Variants in NKX2-3 observed in about 807,000 individuals in gnomAD.
NKX2-3 encodes homeobox protein Nkx-2.3.
NKX2-3 carries 3 observed loss-of-function variants against 14.2 expected under a neutral mutation model. The ratio of observed to expected loss-of-function variants is 0.21; its 90% CI spans 0.10 to 0.55. The LOEUF (loss-of-function observed/expected upper bound fraction) is 0.55. Among genes scored for constraint, NKX2-3 ranks in the 20% least tolerant of loss-of-function variants. NKX2-3 has a pLI of 0.94. For missense variants in NKX2-3, 511 were observed against 514.5 expected, an observed-to-expected ratio of 0.99 and a Z score of 0.06; for synonymous variants, 276 against 234.2, an observed-to-expected ratio of 1.18 and a Z score of -1.63.
rs901980971 is a variant in NKX2-3, at chr10:99,535,956, G to A, written c.*235G>A. On this transcript the variant is annotated 3_prime_UTR_variant, in exon 2 of 2. Transcript: ENST00000344586. ...TCTGAGGCAGAAACGCCGGCTGGGC[G>A]CCGGGGAGGACGATGGCCCCGACCC... 20 of 530,118 alleles carry A rather than the reference G, an allele frequency of 3.8e-5. 2 individuals are homozygous for A. The highest frequency in any genetic ancestry group is 3.7e-4 in the South Asian group (16 of 42,854). The allele number at this position is 530,118 out of a possible 1,614,324, so 32.8% of individuals were successfully genotyped here. A position where few individuals can be genotyped will look rare whatever the true frequency, so the allele number is the denominator to read the frequency against.
At chr10:99,533,607 C>T in intron 1 of NKX2-3, 118 bp downstream of exon 1, 3 of 753,300 alleles carry the variant, frequency 4.0e-6, no homozygotes, top group Admixed American at 2.9e-5. Context: ...TGGCTGGGGC[C>T]ATGCCTCCGC....
At position 99,533,024 on chromosome 10, in the gene NKX2-3, C is replaced by G. The variant is rs934755059; in HGVS notation, c.-108C>G. The stretch of plus-strand genomic sequence containing the variant: ...GGAGTGGGACCGCGTCTGTCAAAAG[C>G]CCGACTCGGCAGCAGCGGCGGAGTC... On this transcript the variant is annotated 5_prime_UTR_variant, in exon 1 of 2. Transcript: ENST00000344586. The G allele has an allele frequency of 7.7e-6, 6 of 783,422 alleles. No homozygotes were observed. Among genetic ancestry groups the G allele is most frequent in the Non-Finnish European group, 1.1e-5 (5 of 473,662 alleles). The allele number at this position is 783,422 out of a possible 1,614,324, so 48.5% of individuals were successfully genotyped here.
chr10:99,535,015 C>T lies in NKX2-3; in HGVS notation c.389C>T (p.Thr130Met). 1.2e-6 allele frequency: 2 copies of T among 1,605,064 alleles called. No individual in the cohort carries two copies. The highest frequency in any genetic ancestry group is 1.7e-6 in the Non-Finnish European group (2 of 1,176,192). The stretch of plus-strand genomic sequence containing the variant: ...TGCCAGCTGAAGAAGTCTCTAGAGA[C>T]GGCCGGAGACTGCAAGGCGGCGGAG... ...KSCQLKKSLE[T>M]AGDCKAAEES... is the part of the protein sequence containing the mutation. Residue 130 changes from threonine (T) to methionine (M), a missense_variant, in exon 2 of 2, where the codon ACG (threonine) becomes ATG (methionine). Thr to Met is a moderately conservative substitution (Grantham distance 81). This residue lies in a region of NKX2-3 where 243 missense variants were observed against 242.3 expected (regional missense o/e 1.00). Transcript: ENST00000344586.
chr10:99,535,651 C>G lies in NKX2-3; in HGVS notation c.1025C>G (p.Pro342Arg). The stretch of plus-strand genomic sequence containing the variant: ...TTCGGCAGCGGCGGCAGCGCACAGC[C>G]GTTGCACCAGGGTACTGCAGCCGGG... The part of the protein sequence containing the change: ...GGFGSGGSAQ[P>R]LHQGTAAGAA... Residue 342 changes from proline to arginine, a missense_variant, in exon 2 of 2, where the codon CCG (proline) becomes CGG (arginine). Physicochemically the swap from Pro to Arg is moderately radical, Grantham distance 103. Around this residue, in one of 3 missense-constraint regions of NKX2-3, gnomAD observed 264 missense variants for 254.7 expected, o/e 1.04. Transcript: ENST00000344586. 1.3e-6 allele frequency: 2 copies of G among 1,536,588 alleles called. No homozygotes were observed. Among genetic ancestry groups the G allele is most frequent in the Non-Finnish European group, 1.7e-6 (2 of 1,145,050 alleles).
rs946052556 is a variant in NKX2-3, at chr10:99,533,030, TCGG to T, written c.-100_-98del. The T allele has an allele frequency of 5.0e-5, 41 of 812,518 alleles. No homozygotes were observed. Among genetic ancestry groups the T allele is most frequent in the Non-Finnish European group, 7.2e-5 (36 of 500,324 alleles). 50.3% of individuals were successfully genotyped at this position (812,518 alleles called of 1,614,324 possible). ...GGACCGCGTCTGTCAAAAGCCCGAC[TCGG>T]CAGCAGCGGCGGAGTCCAGGAGGAG... On this transcript the variant is annotated 5_prime_UTR_variant, in exon 1 of 2. Coordinates refer to ENST00000344586, the MANE Select transcript of NKX2-3 (RefSeq NM_145285.3).
chr10:99,535,800 A>C lies in NKX2-3; in HGVS notation c.*79A>C. ...TGAAGCTCGAGAAGGGCCTGACCTAAAGGTCAGGTCCCCTCGTTAAAAAAA... is the reference window on the plus strand; with the variant it reads ...TGAAGCTCGAGAAGGGCCTGACCTACAGGTCAGGTCCCCTCGTTAAAAAAA... On this transcript the variant is annotated 3_prime_UTR_variant, in exon 2 of 2. Transcript: ENST00000344586. 7.1e-7 allele frequency: 1 copy of C among 1,417,074 alleles called. No homozygotes were observed. The highest frequency in any genetic ancestry group is 1.3e-5 in the South Asian group (1 of 75,268). 87.8% of individuals were successfully genotyped at this position (1,417,074 alleles called of 1,614,324 possible).
rs531226281 is a variant in NKX2-3 at position 99,533,541 on chromosome 10, G to T, written c.358+52G>T. ...CCCGCACACCTGGAGCAATGGCAGA[G>T]CGCACACAAACAGCCCACAGACCTT... On this transcript the variant is annotated intron_variant, in intron 1 of 1. Transcript: ENST00000344586. The T allele has an allele frequency of 4.7e-5, 65 of 1,370,164 alleles. No individual in the cohort carries two copies. The South Asian group carries it at 8.0e-4, about 17-fold the overall frequency. 84.9% of individuals were successfully genotyped at this position (1,370,164 alleles called of 1,614,324 possible).
In NKX2-3 at chr10:99,532,974, C is replaced by G. The variant is rs2033926063; in HGVS notation, c.-158C>G. ...GTAACAAAACCCAGACCCCCAGGTCCCGGCCAATGGAGGCGATTTAGACTG... is the reference window on the plus strand; with the variant it reads ...GTAACAAAACCCAGACCCCCAGGTCGCGGCCAATGGAGGCGATTTAGACTG... On this transcript the variant is annotated 5_prime_UTR_variant, in exon 1 of 2. Transcript: ENST00000344586. 1 of 612,504 alleles carries G rather than the reference C, an allele frequency of 1.6e-6. No homozygotes were observed. Among genetic ancestry groups the G allele is most frequent in the South Asian group, 2.5e-5 (1 of 39,634 alleles). 37.9% of individuals were successfully genotyped at this position (612,504 alleles called of 1,614,324 possible).
chr10:99,535,795 A>T lies in NKX2-3; in HGVS notation c.*74A>T. On this transcript the variant is annotated 3_prime_UTR_variant, in exon 2 of 2. Transcript: ENST00000344586. ...GGGACTGAAGCTCGAGAAGGGCCTG[A>T]CCTAAAGGTCAGGTCCCCTCGTTAA... 2 of 1,462,132 alleles carry T rather than the reference A, an allele frequency of 1.4e-6. No homozygotes were observed. Among genetic ancestry groups the T allele is most frequent in the Non-Finnish European group, 9.0e-7 (1 of 1,107,836 alleles). The allele number at this position is 1,462,132 out of a possible 1,614,324, so 90.6% of individuals were successfully genotyped here. A position where few individuals can be genotyped will look rare whatever the true frequency, so the allele number is the denominator to read the frequency against.
In NKX2-3 at chr10:99,535,536, G is replaced by GGCA. The variant is rs1279509596; in HGVS notation, c.912_913insAGC (p.Gly304_Gly305insSer). On this transcript the variant is annotated inframe_insertion, in exon 2 of 2. Coordinates refer to ENST00000344586, the MANE Select transcript of NKX2-3 (RefSeq NM_145285.3). ...CCCGGCGGGCGGCGGCGGCGGCGGC[G>GGCA]GCGGGACCTCCGCGGCGACCACTGC... The GGCA allele has an allele frequency of 1.5e-6, 2 of 1,324,668 alleles. No individual in the cohort carries two copies. Among genetic ancestry groups the GGCA allele is most frequent in the African/African-American group, 3.1e-5 (2 of 64,092 alleles). 82.1% of individuals were successfully genotyped at this position (1,324,668 alleles called of 1,614,324 possible).
chr10:99,533,396 C>T lies in NKX2-3; in HGVS notation c.265C>T (p.Pro89Ser). Residue 89 changes from proline to serine, a missense_variant, in exon 1 of 2, where the codon CCC becomes TCC. Pro to Ser is a moderately conservative substitution (Grantham distance 74). Transcript: ENST00000344586. The stretch of plus-strand genomic sequence containing the variant: ...CGGCCACGGGGATTCAGGGCTGTGT[C>T]CCCAGGGCTATGTCCACACGGTCCT... ...ADGHGDSGLC[P>S]QGYVHTVLRD... is the part of the protein sequence containing the mutation. 6.2e-7 allele frequency: 1 copy of T among 1,606,772 alleles called. No individual in the cohort carries two copies. Among genetic ancestry groups the T allele is most frequent in the Non-Finnish European group, 8.5e-7 (1 of 1,177,382 alleles).
At chr10:99,534,334 G>A (rs2033943728) in intron 1 of NKX2-3, among the ~76,000 whole-genome samples, 1 of 152,240 alleles carries the variant, frequency 6.6e-6, no homozygotes, top group Admixed American at 6.5e-5. Context: ...TTCCCCAAGA[G>A]GCGGTTTGAT....
intron 1 of NKX2-3, 141 bp from the exon 2 acceptor site, chr10:99,534,844 G>A (rs1286630209): frequency 9.5e-7 from 1 of 1,049,370 alleles, no homozygotes; most frequent in African/African-American, 1.6e-5. Flanking sequence ...ACAGCGCCAG[G>A]AGCCACAAAC....
chr10:99,535,442 GGCC>G lies in NKX2-3; in HGVS notation c.843_845del (p.Ala286del), dbSNP rs753948982. On this transcript the variant is annotated inframe_deletion, in exon 2 of 2. Coordinates refer to ENST00000344586, the MANE Select transcript of NKX2-3 (RefSeq NM_145285.3). ...CCTACGGCTATGGGAACTCGGCCGCGGCCGCCGCCGCCGCCGCCGCCGCCGCCG... is the reference window on the plus strand; with the variant it reads ...CCTACGGCTATGGGAACTCGGCCGCGGCCGCCGCCGCCGCCGCCGCCGCCG... The G allele has an allele frequency of 1.9e-3, 2,512 of 1,292,658 alleles. 2 individuals are homozygous for G. The highest frequency in any genetic ancestry group is 9.5e-3 in the South Asian group (509 of 53,618). 80.1% of individuals were successfully genotyped at this position (1,292,658 alleles called of 1,614,324 possible).
At position 99,533,045 on chromosome 10, in the gene NKX2-3, G is replaced by T; in HGVS notation, c.-87G>T. The T allele has an allele frequency of 2.2e-6, 2 of 907,344 alleles. No individual in the cohort carries two copies. The highest frequency in any genetic ancestry group is 2.3e-5 in the Admixed American group (1 of 42,926). The allele number at this position is 907,344 out of a possible 1,614,324, so 56.2% of individuals were successfully genotyped here. A position where few individuals can be genotyped will look rare whatever the true frequency, so the allele number is the denominator to read the frequency against. On this transcript the variant is annotated 5_prime_UTR_variant, in exon 1 of 2. Coordinates refer to ENST00000344586, the MANE Select transcript of NKX2-3 (RefSeq NM_145285.3). ...AAAGCCCGACTCGGCAGCAGCGGCG[G>T]AGTCCAGGAGGAGAGCTGGAGCCGC...
Position 99,535,279 on chromosome 10 carries a change from C to T in NKX2-3, c.653C>T (p.Ala218Val), listed in dbSNP as rs372919519. 98 of 1,588,058 alleles carry T rather than the reference C, an allele frequency of 6.2e-5. No homozygotes were observed. The highest frequency in any genetic ancestry group is 8.1e-5 in the Non-Finnish European group (95 of 1,168,582). Reference sequence around the variant, plus strand: ...AAGTCTCTGGAGCTTGGCGCACACGCGCCCCCGCCGCCGCCGCGCCGCGTG... The same window carrying T: ...AAGTCTCTGGAGCTTGGCGCACACGTGCCCCCGCCGCCGCCGCGCCGCGTG... ...QDKSLELGAH[A>V]PPPPPRRVAV... is the part of the protein sequence containing the mutation. Residue 218 changes from alanine (A) to valine (V), a missense_variant, in exon 2 of 2, where the codon GCG becomes GTG. Physicochemically the swap from Ala to Val is moderately conservative, Grantham distance 64. Coordinates refer to ENST00000344586, the MANE Select transcript of NKX2-3 (RefSeq NM_145285.3).
chr10:99,535,782 C>A lies in NKX2-3; in HGVS notation c.*61C>A. Reference sequence around the variant, plus strand: ...AGCCTGGCGCCGCGGGACTGAAGCTCGAGAAGGGCCTGACCTAAAGGTCAG... The same window carrying A: ...AGCCTGGCGCCGCGGGACTGAAGCTAGAGAAGGGCCTGACCTAAAGGTCAG... On this transcript the variant is annotated 3_prime_UTR_variant, in exon 2 of 2. Coordinates refer to ENST00000344586, the MANE Select transcript of NKX2-3 (RefSeq NM_145285.3). 1.3e-6 allele frequency: 2 copies of A among 1,492,346 alleles called. No individual in the cohort carries two copies. The highest frequency in any genetic ancestry group is 1.8e-6 in the Non-Finnish European group (2 of 1,127,362). 92.4% of individuals were successfully genotyped at this position (1,492,346 alleles called of 1,614,324 possible).
Position 99,535,651 on chromosome 10 carries a change from C to A in NKX2-3, c.1025C>A (p.Pro342Gln). ...TTCGGCAGCGGCGGCAGCGCACAGC[C>A]GTTGCACCAGGGTACTGCAGCCGGG... ...GGFGSGGSAQ[P>Q]LHQGTAAGAA... Residue 342 changes from proline to glutamine, a missense_variant, in exon 2 of 2, where the codon CCG becomes CAG. Pro to Gln is a moderately conservative substitution (Grantham distance 76). Transcript: ENST00000344586. 1 of 1,536,588 alleles carries A rather than the reference C, an allele frequency of 6.5e-7. No individual in the cohort carries two copies. The highest frequency in any genetic ancestry group is 8.7e-7 in the Non-Finnish European group (1 of 1,145,050).
Position 99,535,653 on chromosome 10 carries a change from T to C in NKX2-3, c.1027T>C (p.Leu343=). 1 of 1,536,454 alleles carries C rather than the reference T, an allele frequency of 6.5e-7. No individual in the cohort carries two copies. ...GFGSGGSAQP[L]HQGTAAGAAC... Reference sequence around the variant, plus strand: ...CGGCAGCGGCGGCAGCGCACAGCCGTTGCACCAGGGTACTGCAGCCGGGGC... The same window carrying C: ...CGGCAGCGGCGGCAGCGCACAGCCGCTGCACCAGGGTACTGCAGCCGGGGC... Residue 343 remains leucine (L), a synonymous_variant, in exon 2 of 2, where the codon TTG becomes CTG. Coordinates refer to ENST00000344586, the MANE Select transcript of NKX2-3 (RefSeq NM_145285.3).
Sources: allele counts gnomAD v4.1 joint callset (sites outside exome capture counted in the v4.1 genomes callset), GRCh38; gene constraint gnomAD v4.1.1; regional missense constraint gnomAD v4.1.1; transcripts MANE v1.5; gene names NCBI Gene and HGNC (gene_info 2026-07-23, HGNC 2026-07-21).